DMD: variants seen among roughly 807,000 people sequenced by gnomAD.
DMD encodes the protein mutant dystrophin.
A neutral mutation model predicts 330.1 loss-of-function variants in DMD; 63 were observed. The observed-to-expected ratio is 0.19, with a 90% confidence interval of 0.16 to 0.24. The LOEUF (loss-of-function observed/expected upper bound fraction) is 0.24. Ranked by LOEUF, DMD falls within the 10% of genes least tolerant of loss-of-function variation. DMD has a pLI of 1.00. For synonymous variants in DMD, 1,223 were observed against 959.8 expected, an observed-to-expected ratio of 1.27 and a Z score of -5.07; for missense variants, 3,344 against 2,684.1, an observed-to-expected ratio of 1.25 and a Z score of -5.43.
intron 1 of DMD, among the ~76,000 whole-genome samples, chrX:33,027,964 G>A (rs1371978135): frequency 8.9e-6 from 1 of 111,909 alleles, no homozygotes; most frequent in Non-Finnish European, 1.9e-5. Flanking sequence ...TAGAAAAAGT[G>A]AAATTATCAT....
intron 52 of DMD, among the ~76,000 whole-genome samples, chrX:31,719,326 T>C (rs1402949509): frequency 1.8e-5 from 2 of 112,360 alleles, no homozygotes; most frequent in African/African-American, 3.2e-5. Context: ...AAGAAGGACA[T>C]TCTTATGTAT....
At chrX:31,706,116 T>C (rs762350577) in intron 52 of DMD, among the ~76,000 whole-genome samples, 6 of 97,465 alleles carry the variant, frequency 6.2e-5, no homozygotes, top group East Asian at 3.1e-4. Context: ...AAGAAAATGA[T>C]AGAAATGCTT....
chrX:32,326,771 A>T (rs764429598), intron 41 of DMD, among the ~76,000 whole-genome samples: 2 of 109,858 alleles, frequency 1.8e-5, no homozygotes, highest in African/African-American at 6.6e-5. Flanking sequence ...GCCAGGCGTG[A>T]TGGCGGTTGC....
chrX:32,166,474 T>TA (rs1159262723), intron 44 of DMD, among the ~76,000 whole-genome samples: 2 of 110,952 alleles, frequency 1.8e-5, no homozygotes, highest in African/African-American at 6.6e-5. Context: ...TATATATAAA[T>TA]AAAAAATAAA....
intron 45 of DMD, among the ~76,000 whole-genome samples, chrX:31,934,385 A>G (rs1021045853): frequency 1.8e-5 from 2 of 112,040 alleles, no homozygotes; most frequent in African/African-American, 6.5e-5. Flanking sequence ...TGGGACACGT[A>G]AAGTTACATT....
In DMD at chrX:33,015,844, A is replaced by G. The variant is rs758816340; in HGVS notation, c.93+4295T>C. Among the ~76,000 whole-genome samples, 4 of 111,516 alleles carry G rather than the reference A, an allele frequency of 3.6e-5. No individual in the cohort carries two copies. The East Asian group carries it at 1.1e-3, about 32-fold the overall frequency. ...AAAGAGGGTGAGTCCTGGATTTTTA[A>G]TGTGGACATATATGTTGCGGCAATG... On this transcript the variant is annotated intron_variant, in intron 2 of 78. Coordinates refer to ENST00000357033, the MANE Select transcript of DMD (RefSeq NM_004006.3).
At chrX:32,284,777 T>G (rs2097433297) in intron 43 of DMD, among the ~76,000 whole-genome samples, 1 of 112,045 alleles carries the variant, frequency 8.9e-6, no homozygotes, top group African/African-American at 3.2e-5. Context: ...CTTAAAACAG[T>G]TTGTATCTGA....
intron 67 of DMD, among the ~76,000 whole-genome samples, chrX:31,200,117 A>C (rs2148504434): frequency 8.9e-6 from 1 of 112,268 alleles, no homozygotes; most frequent in African/African-American, 3.2e-5. Context: ...AAATCTAAGT[A>C]ATGAAAGCCT....
chrX:32,463,736 T>C lies in DMD; in HGVS notation c.3277-142A>G, dbSNP rs780343352. On this transcript the variant is annotated intron_variant, in intron 24 of 78. Transcript: ENST00000357033. ...TTTTAAAATCTGAGATACAGAGATA[T>C]TGATATAGATGACTGCCTAACAGTC... 10 of 476,255 alleles carry C rather than the reference T, an allele frequency of 2.1e-5. No individual in the cohort carries two copies. The South Asian group carries it at 3.9e-4, about 19-fold the overall frequency. The allele number at this position is 476,255 out of a possible 1,213,427, so 39.2% of individuals were successfully genotyped here.
chrX:32,786,018 T>A (rs1420782501), intron 7 of DMD, among the ~76,000 whole-genome samples: 3 of 110,439 alleles, frequency 2.7e-5, no homozygotes, highest in South Asian at 3.8e-4. Context: ...TAGTCTGCTG[T>A]TTAACTACAG....
chrX:32,155,973 AACACACAC>A (rs60347530), intron 44 of DMD, among the ~76,000 whole-genome samples: 3,682 of 95,680 alleles, frequency 0.038, 137 homozygotes, highest in Admixed American at 0.18. Context: ...TTTGTCATTC[AACACACAC>A]ACACACACAC....
intron 7 of DMD, among the ~76,000 whole-genome samples, chrX:32,797,426 A>G (rs1443519891): frequency 8.9e-6 from 1 of 112,727 alleles, no homozygotes; most frequent in Non-Finnish European, 1.9e-5. Flanking sequence ...GAAAATTTTA[A>G]ACTACTTATG....
At chrX:32,890,601 C>A (rs188608961) in intron 2 of DMD, among the ~76,000 whole-genome samples, 1,206 of 111,348 alleles carry the variant, frequency 0.011, 19 homozygotes, top group African/African-American at 0.037. Context: ...TGCTGAAAAA[C>A]AAGCAAACAA....
chrX:32,676,749 C>A (rs1043600992), intron 9 of DMD, among the ~76,000 whole-genome samples: 22 of 111,492 alleles, frequency 2.0e-4, no homozygotes, highest in Non-Finnish European at 7.6e-5. Flanking sequence ...CTTTAAAAAA[C>A]AAAACAAACA....
At chrX:32,211,231 T>C (rs1233534607) in intron 44 of DMD, among the ~76,000 whole-genome samples, 1 of 112,085 alleles carries the variant, frequency 8.9e-6, no homozygotes, top group Non-Finnish European at 1.9e-5. Flanking sequence ...TCTCTGGACA[T>C]TTCACATTTG....
chrX:31,657,040 A>T (rs2080823752), intron 54 of DMD, among the ~76,000 whole-genome samples: 1 of 111,095 alleles, frequency 9.0e-6, no homozygotes, highest in South Asian at 3.7e-4. Context: ...AAGACTTCCT[A>T]CTCTTAGTTC....
rs1034279341 is a variant in DMD at position 32,856,172 on chromosome X, G to A, written c.94-6352C>T. Among the ~76,000 whole-genome samples, 11 of 111,847 alleles carry A rather than the reference G, an allele frequency of 9.8e-5. 1 individual carries two copies. The highest frequency in any genetic ancestry group is 7.6e-4 in the Admixed American group (8 of 10,545). On this transcript the variant is annotated intron_variant, in intron 2 of 78. Transcript: ENST00000357033. Reference sequence around the variant, plus strand: ...AGACAGGCAACATCAATGCTGATGCGGCTGTGTGGAAAAGGGAACCTTGGT... The same window carrying A: ...AGACAGGCAACATCAATGCTGATGCAGCTGTGTGGAAAAGGGAACCTTGGT...
At chrX:32,985,631 C>T (rs779991890) in intron 2 of DMD, among the ~76,000 whole-genome samples, 5 of 111,776 alleles carry the variant, frequency 4.5e-5, no homozygotes, top group African/African-American at 1.3e-4. Context: ...TTCTATTACA[C>T]TCTTCTGATT....
At chrX:31,858,042 T>C (rs1455321422) in intron 48 of DMD, among the ~76,000 whole-genome samples, 1 of 110,880 alleles carries the variant, frequency 9.0e-6, no homozygotes, top group Non-Finnish European at 1.9e-5. Flanking sequence ...ACAAAGTTAT[T>C]ATAAGTTGAG....
Sources: allele counts gnomAD v4.1 joint callset (sites outside exome capture counted in the v4.1 genomes callset), GRCh38; gene constraint gnomAD v4.1.1; transcripts MANE v1.5; gene names NCBI Gene and HGNC (gene_info 2026-07-23, HGNC 2026-07-21).